DENND5A: variants seen among roughly 807,000 people sequenced by gnomAD.
The protein encoded by DENND5A is DENN domain containing 5A.
A neutral mutation model predicts 140.3 loss-of-function variants in DENND5A; 64 were observed. The observed-to-expected ratio is 0.46, with a 90% CI of 0.37 to 0.56. The LOEUF (loss-of-function observed/expected upper bound fraction) is 0.56. Among genes scored for constraint, DENND5A ranks in the 20% least tolerant of loss-of-function variants. The pLI is 0.00. For synonymous variants in DENND5A, 605 were observed against 607.7 expected (o/e 1.00, Z 0.07); for missense variants, 1,292 against 1,593.8 (o/e 0.81, Z 3.22).
intron 1 of DENND5A, among the ~76,000 whole-genome samples, chr11:9,208,162 G>C (rs1459681554): frequency 6.6e-6 from 1 of 152,312 alleles, no homozygotes; most frequent in African/African-American, 2.4e-5. Flanking sequence ...GTGAGGAATA[G>C]AGATGAACCA....
At chr11:9,194,284 G>T (rs138624688) in intron 4 of DENND5A, among the ~76,000 whole-genome samples, 86 of 152,318 alleles carry the variant, frequency 5.6e-4, no homozygotes, top group African/African-American at 2.0e-3. Context: ...TTCCCTAGAG[G>T]CTGGGCATGG....
At chr11:9,183,276 C>T (rs918247113) in intron 5 of DENND5A, among the ~76,000 whole-genome samples, 7 of 152,004 alleles carry the variant, frequency 4.6e-5, no homozygotes, top group Non-Finnish European at 8.8e-5. Flanking sequence ...ACAATATTAC[C>T]AATGTCATAG....
At chr11:9,241,883 G>A (rs1323657690) in intron 1 of DENND5A, among the ~76,000 whole-genome samples, 8 of 152,024 alleles carry the variant, frequency 5.3e-5, no homozygotes, top group South Asian at 4.2e-4. Context: ...GCATGGTGGC[G>A]CATGCCTGTA....
intron 11 of DENND5A, among the ~76,000 whole-genome samples, chr11:9,164,614 A>G (rs1243687976): frequency 2.0e-5 from 3 of 152,194 alleles, no homozygotes; most frequent in Non-Finnish European, 4.4e-5. Context: ...AAAAATTAAG[A>G]ATGAATGTCT....
At chr11:9,218,075 C>T (rs1437260117) in intron 1 of DENND5A, among the ~76,000 whole-genome samples, 1 of 152,080 alleles carries the variant, frequency 6.6e-6, no homozygotes, top group Non-Finnish European at 1.5e-5. Context: ...GGCAACATGG[C>T]AAGACCCCAT....
intron 22 of DENND5A, among the ~76,000 whole-genome samples, chr11:9,140,410 T>C (rs1847197894): frequency 6.6e-6 from 1 of 152,188 alleles, no homozygotes; most frequent in Non-Finnish European, 1.5e-5. Context: ...TTAACCACTA[T>C]GCCAATTCTC....
At chr11:9,172,997 T>A (rs953268216) in intron 8 of DENND5A, among the ~76,000 whole-genome samples, 2 of 142,328 alleles carry the variant, frequency 1.4e-5, no homozygotes, top group African/African-American at 2.7e-5. Context: ...TTTTTTTTTT[T>A]ATATGTTTAG....
At chr11:9,229,875 C>G (rs1850688438) in intron 1 of DENND5A, among the ~76,000 whole-genome samples, 1 of 133,186 alleles carries the variant, frequency 7.5e-6, no homozygotes, top group Admixed American at 7.5e-5. Flanking sequence ...GTCTTTGGGT[C>G]TTCATTTCTG....
intron 17 of DENND5A, chr11:9,145,327 C>T: frequency 1.7e-6 from 1 of 591,310 alleles, no homozygotes; most frequent in Non-Finnish European, 3.0e-6. Flanking sequence ...CCTAGAAGAA[C>T]AGGGTCAGGG....
intron 1 of DENND5A, among the ~76,000 whole-genome samples, chr11:9,232,107 A>T (rs1481163271): frequency 6.6e-6 from 1 of 152,148 alleles, no homozygotes; most frequent in Non-Finnish European, 1.5e-5. Flanking sequence ...AATTAGCCCT[A>T]GGACTGTAGA....
At position 9,165,909 on chromosome 11, in the gene DENND5A, T is replaced by C. The variant is rs759842967; in HGVS notation, c.2210A>G (p.Asn737Ser). Residue 737 changes from asparagine to serine, a missense_variant, in exon 11 of 23, where the codon AAC becomes AGC. Asn to Ser is a conservative substitution (Grantham distance 46). Around this residue, in one of 4 missense-constraint regions of DENND5A, gnomAD observed 498 missense variants for 689.7 expected, o/e 0.72. Coordinates refer to ENST00000328194, the MANE Select transcript of DENND5A (RefSeq NM_015213.4). The stretch of plus-strand genomic sequence containing the variant: ...CTGGGCAATCACTGATGGAGAGAGG[T>C]TGGACAGTTTGGGCTGGCGGATAGT... Reference protein sequence around the residue: ...GSTIRQPKLSNLSPSVIAQTN... With the variant: ...GSTIRQPKLSSLSPSVIAQTN... The C allele has an allele frequency of 8.7e-6, 14 of 1,614,094 alleles. No homozygotes were observed. The highest frequency in any genetic ancestry group is 1.6e-4 in the Middle Eastern group (1 of 6,062).
At chr11:9,217,784 AAAC>A (rs1669302235) in intron 1 of DENND5A, among the ~76,000 whole-genome samples, 1 of 152,212 alleles carries the variant, frequency 6.6e-6, no homozygotes, top group Non-Finnish European at 1.5e-5. Flanking sequence ...ATAAAAGGAC[AAAC>A]AACAAAAGAA....
chr11:9,264,018 A>G (rs1389110921), intron 1 of DENND5A, among the ~76,000 whole-genome samples: 1 of 152,166 alleles, frequency 6.6e-6, no homozygotes, highest in African/African-American at 2.4e-5. Flanking sequence ...CATCAGGATG[A>G]CACAACCTTA....
intron 6 of DENND5A, among the ~76,000 whole-genome samples, chr11:9,180,476 CTA>C (rs1848691294): frequency 6.6e-6 from 1 of 152,120 alleles, no homozygotes; most frequent in Non-Finnish European, 1.5e-5. Flanking sequence ...GGTCTGAACA[CTA>C]AGATTACTAT....
intron 1 of DENND5A, among the ~76,000 whole-genome samples, chr11:9,242,116 T>G (rs546505423): frequency 6.6e-6 from 1 of 152,152 alleles, no homozygotes; most frequent in South Asian, 2.1e-4. Flanking sequence ...ACTTTTCACT[T>G]CCTAACATAC....
intron 1 of DENND5A, among the ~76,000 whole-genome samples, chr11:9,237,773 C>G (rs1426800809): frequency 6.6e-6 from 1 of 152,014 alleles, no homozygotes; most frequent in Non-Finnish European, 1.5e-5. Flanking sequence ...GCCCCAGCTA[C>G]TAGGGAGGCT....
intron 1 of DENND5A, among the ~76,000 whole-genome samples, chr11:9,212,167 C>T (rs1344998931): frequency 6.6e-6 from 1 of 152,004 alleles, no homozygotes; most frequent in African/African-American, 2.4e-5. Context: ...GAGAGGACTG[C>T]TTGAGGCCAG....
intron 1 of DENND5A, among the ~76,000 whole-genome samples, chr11:9,233,721 A>G (rs1211475409): frequency 6.6e-6 from 1 of 152,158 alleles, no homozygotes; most frequent in Non-Finnish European, 1.5e-5. Flanking sequence ...CATAATGCCA[A>G]CAGTCACCAG....
intron 6 of DENND5A, 77 bp downstream of exon 6, chr11:9,180,690 T>C: frequency 1.4e-6 from 2 of 1,431,108 alleles, no homozygotes; most frequent in East Asian, 2.3e-5. Flanking sequence ...GGGTGCTTTC[T>C]CATCCCATAC....
Sources: allele counts gnomAD v4.1 joint callset (sites outside exome capture counted in the v4.1 genomes callset), GRCh38; gene constraint gnomAD v4.1.1; regional missense constraint gnomAD v4.1.1; transcripts MANE v1.5; gene names NCBI Gene and HGNC (gene_info 2026-07-23, HGNC 2026-07-21).